The following HLTF variants were observed in gnomAD, a reference collection of about 807,000 sequenced individuals.
HLTF encodes the protein helicase like transcription factor.
Under a neutral mutation model 129.4 loss-of-function variants are expected in HLTF, and 127 were observed. The ratio of observed to expected loss-of-function variants is 0.98; its 90% CI spans 0.85 to 1.14. The LOEUF (loss-of-function observed/expected upper bound fraction) is 1.14, where lower values mean the gene tolerates loss of function less well. Ranked by LOEUF, HLTF falls within the 50% of genes most tolerant of loss-of-function variation. The pLI, the probability that HLTF is intolerant of heterozygous loss-of-function variation, is 0.00. For missense variants in HLTF, 1,139 were observed against 1,187.1 expected (o/e 0.96, Z 0.60); for synonymous variants, 332 against 388.8 (o/e 0.85, Z 1.72).
rs757526301 is a variant in HLTF at position 149,040,075 on chromosome 3, C to T, written c.2458G>A (p.Asp820Asn). 6.2e-7 allele frequency: 1 copy of T among 1,611,620 alleles called. No individual in the cohort carries two copies. The highest frequency in any genetic ancestry group is 8.5e-7 in the Non-Finnish European group (1 of 1,179,010). Residue 820 changes from aspartate to asparagine, a missense_variant, in exon 21 of 25, where the codon GAC becomes AAC. Coordinates refer to ENST00000310053, the MANE Select transcript of HLTF (RefSeq NM_003071.4). ...LECPPEELAR[D>N]SEKKSDMEWT... ...TCCATATCAGACTTTTTCTCACTGT[C>T]ACGTGCTAATTCTTCTGGAGGACAT...
rs1425123271 is a variant in HLTF, at chr3:149,083,507, C to T, written c.228+1175G>A. On this transcript the variant is annotated intron_variant, in intron 2 of 24. Transcript: ENST00000310053. ...TTTCATGGTGGTATAAAATAATTATCGAAAGCAATGTAAGTTTTGAAAAAT... is the reference window on the plus strand; with the variant it reads ...TTTCATGGTGGTATAAAATAATTATTGAAAGCAATGTAAGTTTTGAAAAAT... 4.6e-5 allele frequency: 7 copies of T among 151,248 alleles called. No homozygotes were observed. In the East Asian group the frequency reaches 7.7e-4, roughly 17 times the overall value. The allele number at this position is 151,248 out of a possible 1,614,324, so 9.4% of individuals were successfully genotyped here. A position where few individuals can be genotyped will look rare whatever the true frequency, so the allele number is the denominator to read the frequency against.
intron 13 of HLTF, chr3:149,059,494 C>T: frequency 2.0e-6 from 1 of 501,994 alleles, no homozygotes; most frequent in South Asian, 2.3e-5. Context: ...AGTAAGGGCC[C>T]CCATCACATT....
At chr3:149,054,264 G>A (rs950228340) in intron 14 of HLTF, among the ~76,000 whole-genome samples, 3 of 152,050 alleles carry the variant, frequency 2.0e-5, no homozygotes, top group Non-Finnish European at 4.4e-5. Flanking sequence ...GACAGTGAAG[G>A]AAAGCAGAAG....
chr3:149,039,234 A>AG lies in HLTF; in HGVS notation c.2616-6dup, dbSNP rs1212792829. On this transcript the variant is annotated splice_region_variant and splice_polypyrimidine_tract_variant and intron_variant, in intron 22 of 24. Transcript: ENST00000310053. Reference sequence around the variant, plus strand: ...GTAAACACAAATCCAGAGGCTCTAAAGGGGGGAAGAAAAGAGACAAGTAAC... The same window carrying AG: ...GTAAACACAAATCCAGAGGCTCTAAAGGGGGGGAAGAAAAGAGACAAGTAAC... 4.6e-6 allele frequency: 7 copies of AG among 1,521,980 alleles called. No individual in the cohort carries two copies. Among genetic ancestry groups the AG allele is most frequent in the Middle Eastern group, 1.7e-4 (1 of 5,716 alleles). 94.3% of individuals were successfully genotyped at this position (1,521,980 alleles called of 1,614,324 possible).
In HLTF at chr3:149,068,255, C is replaced by A. The variant is rs1718568413; in HGVS notation, c.975G>T (p.Lys325Asn). The part of the protein sequence containing the change: ...GRPLPIERVK[K>N]NLLKKEYNVN... Reference sequence around the variant, plus strand: ...ACTACTTTACCTTCTTCAGTAGATTCTTTTTAACTCTTTCAATAGGAAGAG... The same window carrying A: ...ACTACTTTACCTTCTTCAGTAGATTATTTTTAACTCTTTCAATAGGAAGAG... The change falls in exon 8 of 25, where the codon AAG (lysine) becomes AAT (asparagine). Residue 325 changes from lysine to asparagine, a missense_variant. Physicochemically the swap from Lys to Asn is moderately conservative, Grantham distance 94 (BLOSUM62 0). Coordinates refer to ENST00000310053, the MANE Select transcript of HLTF (RefSeq NM_003071.4). The A allele has an allele frequency of 6.6e-7, 1 of 1,521,288 alleles. No homozygotes were observed. Among genetic ancestry groups the A allele is most frequent in the Non-Finnish European group, 9.1e-7 (1 of 1,102,876 alleles). The allele number at this position is 1,521,288 out of a possible 1,614,324, so 94.2% of individuals were successfully genotyped here. A position where few individuals can be genotyped will look rare whatever the true frequency, so the allele number is the denominator to read the frequency against.
At chr3:149,060,598 T>C (rs1401051400) in intron 12 of HLTF, 45 bp downstream of exon 12, 2 of 1,415,764 alleles carry the variant, frequency 1.4e-6, no homozygotes, top group Admixed American at 1.8e-5. Flanking sequence ...AGCTGTACTT[T>C]AATAATCTTG....
At chr3:149,074,464 T>C in intron 3 of HLTF, 116 bp from the exon 4 acceptor site, 1 of 945,318 alleles carries the variant, frequency 1.1e-6, no homozygotes, top group South Asian at 2.5e-5. Context: ...AGTAAAGTAA[T>C]AAGGAACTAG....
chr3:149,033,125 T>C (rs989494822), intron 24 of HLTF, among the ~76,000 whole-genome samples: 3 of 152,130 alleles, frequency 2.0e-5, no homozygotes, highest in African/African-American at 7.2e-5. Flanking sequence ...CAACCTTACA[T>C]ATTTAATGTG....
chr3:149,071,913 C>A (rs1175217563), intron 5 of HLTF, among the ~76,000 whole-genome samples: 2 of 151,926 alleles, frequency 1.3e-5, no homozygotes, highest in Non-Finnish European at 2.9e-5. Context: ...ATTAGCCAGG[C>A]ATGGGGGTGC....
intron 8 of HLTF, among the ~76,000 whole-genome samples, chr3:149,066,141 A>T (rs1475972506): frequency 6.6e-6 from 1 of 151,502 alleles, no homozygotes; most frequent in Non-Finnish European, 1.5e-5. Flanking sequence ...CTACCTCCTG[A>T]GTTCAAGTGA....
rs1158474381 is a variant in HLTF, at chr3:149,085,231, C to T, written c.21-342G>A. Among the ~76,000 whole-genome samples, 5 of 152,230 alleles carry T rather than the reference C, an allele frequency of 3.3e-5. No homozygotes were observed. In the South Asian group the frequency reaches 1.0e-3, roughly 32 times the overall value. On this transcript the variant is annotated intron_variant, in intron 1 of 24. Transcript: ENST00000310053. ...ATGGGCCGGATGCGGTGGCTCACGC[C>T]TGGAATCCCAGCACTTTGGGAGGCA...
intron 23 of HLTF, among the ~76,000 whole-genome samples, chr3:149,037,332 G>A (rs1180690446): frequency 6.6e-6 from 1 of 151,916 alleles, no homozygotes; most frequent in Non-Finnish European, 1.5e-5. Flanking sequence ...AGCCACGCGT[G>A]GTGGCAGGTG....
At chr3:149,071,168 C>G (rs1357302727) in intron 7 of HLTF, 84 bp downstream of exon 7, 1 of 823,106 alleles carries the variant, frequency 1.2e-6, no homozygotes, top group Non-Finnish European at 1.9e-6. Flanking sequence ...CAACATATTC[C>G]TATCTCTTTT....
intron 7 of HLTF, among the ~76,000 whole-genome samples, chr3:149,068,640 T>C (rs1718602608): frequency 6.6e-6 from 1 of 152,212 alleles, no homozygotes; most frequent in East Asian, 1.9e-4. Flanking sequence ...ATTTTTATCA[T>C]GCAACTATTT....
chr3:149,073,294 C>G lies in HLTF; in HGVS notation c.558G>C (p.Trp186Cys). The G allele has an allele frequency of 6.2e-7, 1 of 1,612,240 alleles. No homozygotes were observed. The highest frequency in any genetic ancestry group is 1.1e-5 in the South Asian group (1 of 90,714). ...AGCTTGGTCCAGCTCTTCCAGAGCC[C>G]CAACCACTTTCCAAATTGAATCCTA... The part of the protein sequence containing the change: ...KTLGFNLESG[W>C]GSGRAGPSYS... Residue 186 changes from tryptophan (W) to cysteine (C), a missense_variant, in exon 5 of 25, where the codon TGG (tryptophan) becomes TGC (cysteine). Trp to Cys is a radical substitution (Grantham distance 215). Transcript: ENST00000310053.
At chr3:149,043,177 G>C (rs970082452) in intron 18 of HLTF, among the ~76,000 whole-genome samples, 5 of 151,316 alleles carry the variant, frequency 3.3e-5, no homozygotes, top group Admixed American at 1.3e-4. Flanking sequence ...AAGATGAGCT[G>C]GTATGGCTCA....
intron 13 of HLTF, among the ~76,000 whole-genome samples, chr3:149,057,320 G>A (rs1320343820): frequency 6.6e-6 from 1 of 151,914 alleles, no homozygotes; most frequent in Admixed American, 6.6e-5. Flanking sequence ...CAGCTACTTG[G>A]GAGGCTGAGA....
At chr3:149,082,380 A>C (rs900832570) in intron 2 of HLTF, among the ~76,000 whole-genome samples, 1 of 152,168 alleles carries the variant, frequency 6.6e-6, no homozygotes, top group African/African-American at 2.4e-5. Context: ...AATGGCATGA[A>C]CTTGGGAGGC....
chr3:149,074,190 A>G, intron 4 of HLTF, 25 bp downstream of exon 4: 1 of 1,599,584 alleles, frequency 6.3e-7, no homozygotes, highest in Non-Finnish European at 8.5e-7. Flanking sequence ...TATCAGAATA[A>G]TATTAAGTGA....
Sources: allele counts gnomAD v4.1 joint callset (sites outside exome capture counted in the v4.1 genomes callset), GRCh38; gene constraint gnomAD v4.1.1; transcripts MANE v1.5; gene names NCBI Gene and HGNC (gene_info 2026-07-23, HGNC 2026-07-21).